The following MCM7 variants were observed in gnomAD, a reference collection of about 807,000 sequenced individuals.
MCM7 encodes minichromosome maintenance complex component 7, also known as DNA replication licensing factor MCM7.
Under a neutral mutation model 83.5 loss-of-function variants are expected in MCM7, and 95 were observed. The ratio of observed to expected loss-of-function variants is 1.14; its 90% confidence interval spans 0.96 to 1.35. The LOEUF (loss-of-function observed/expected upper bound fraction) is 1.35. MCM7 is among the 40% of genes most tolerant of loss of function. The probability of loss-of-function intolerance (pLI) is 0.00; values close to 1 mark genes in which losing one functional copy is unlikely to be tolerated. For missense variants in MCM7, 1,087 were observed against 957.4 expected (o/e 1.14, Z -1.79); for synonymous variants, 461 against 352.7 (o/e 1.31, Z -3.44).
chr7:100,097,272 T>C, intron 10 of MCM7, 29 bp downstream of exon 10: 1 of 1,601,102 alleles, frequency 6.2e-7, no homozygotes, highest in Non-Finnish European at 8.6e-7. Flanking sequence ...TGTCACTATA[T>C]TCACCTCCCG....
intron 13 of MCM7, 32 bp from the exon 14 acceptor site, chr7:100,093,433 C>T (rs781636530): frequency 9.4e-6 from 15 of 1,595,120 alleles, no homozygotes; most frequent in Middle Eastern, 1.6e-4. Context: ...AAGATGGGAA[C>T]GGGAGGAGGG....
intron 10 of MCM7, among the ~76,000 whole-genome samples, chr7:100,096,885 G>A (rs919819239): frequency 3.5e-4 from 53 of 152,260 alleles, no homozygotes; most frequent in African/African-American, 1.0e-3. Flanking sequence ...GGCGGATCAC[G>A]AGGTCAGGAT....
rs774351506 is a variant in MCM7, at chr7:100,095,790, G to GGTCATT, written c.1578_1579insAATGAC (p.Asp526_Arg527insAsnAsp). On this transcript the variant is annotated inframe_insertion, in exon 11 of 15. Coordinates refer to ENST00000303887, the MANE Select transcript of MCM7 (RefSeq NM_005916.5). ...TTCATTCACCGTAGGTCATTGTCTC[G>GGTCATT]GTCGGGCCGGTCCTGAATCAGCCAG... The GGTCATT allele has an allele frequency of 1.3e-6, 2 of 1,585,912 alleles. No homozygotes were observed. The highest frequency in any genetic ancestry group is 3.4e-5 in the Admixed American group (2 of 58,930).
intron 6 of MCM7, 38 bp downstream of exon 6, chr7:100,098,540 C>T (rs1302324328): frequency 1.1e-5 from 18 of 1,611,570 alleles, no homozygotes; most frequent in Non-Finnish European, 1.4e-5. Context: ...AAGTGGACTC[C>T]CGATCCACCT....
At position 100,093,021 on chromosome 7, in the gene MCM7, G is replaced by C; in HGVS notation, c.2071C>G (p.Pro691Ala). ...EQRCVSRGFT[P>A]AQFQAALDEY... ...TCCAGAGCCGCCTGGAACTGGGCGG[G>C]TGTGAAGCCACGAGATACACAGCGC... The change falls in exon 15 of 15, where the codon CCC becomes GCC. Residue 691 changes from proline to alanine, a missense_variant. Pro to Ala is a conservative substitution (Grantham distance 27, BLOSUM62 -1). Coordinates refer to ENST00000303887, the MANE Select transcript of MCM7 (RefSeq NM_005916.5). 6.2e-7 allele frequency: 1 copy of C among 1,614,248 alleles called. No homozygotes were observed. The highest frequency in any genetic ancestry group is 8.5e-7 in the Non-Finnish European group (1 of 1,180,042).
chr7:100,096,213 A>G, intron 10 of MCM7, 46 bp from the exon 11 acceptor site: 1 of 1,516,570 alleles, frequency 6.6e-7, no homozygotes, highest in Middle Eastern at 1.8e-4. Context: ...AGAACAAGAA[A>G]GAGAACAAGC....
rs753188990 is a variant in MCM7 at position 100,099,286 on chromosome 7, G to A, written c.394C>T (p.Arg132Cys). Residue 132 changes from arginine to cysteine, a missense_variant, in exon 4 of 15, where the codon CGC (arginine) becomes TGC (cysteine). Coordinates refer to ENST00000303887, the MANE Select transcript of MCM7 (RefSeq NM_005916.5). ...PQNQYPAELMRRFELYFQGPS... is the reference protein window; with the variant it reads ...PQNQYPAELMCRFELYFQGPS... The stretch of plus-strand genomic sequence containing the variant: ...CCGACAGAGACCACTCACAATCTGC[G>A]CATGAGTTCAGCAGGGTACTGGTTC... 51 of 1,613,972 alleles carry A rather than the reference G, an allele frequency of 3.2e-5. No individual in the cohort carries two copies. The highest frequency in any genetic ancestry group is 4.2e-5 in the Non-Finnish European group (49 of 1,180,026).
At position 100,093,093 on chromosome 7, in the gene MCM7, C is replaced by G; in HGVS notation, c.1999G>C (p.Glu667Gln). The G allele has an allele frequency of 6.2e-7, 1 of 1,614,182 alleles. No homozygotes were observed. Among genetic ancestry groups the G allele is most frequent in the Non-Finnish European group, 8.5e-7 (1 of 1,180,016 alleles). Residue 667 changes from glutamate to glutamine, a missense_variant, in exon 15 of 15, where the codon GAA (glutamate) becomes CAA (glutamine). Transcript: ENST00000303887. ...PADVIFATVR[E>Q]LVSGGRSVRF... The stretch of plus-strand genomic sequence containing the variant: ...ACACTTCGGCCCCCTGAGACCAGTT[C>G]ACGGACGGTGGCAAATATCACATCT...
intron 11 of MCM7, 41 bp from the exon 12 acceptor site, chr7:100,095,511 C>T: frequency 6.3e-7 from 1 of 1,585,030 alleles, no homozygotes; most frequent in African/African-American, 1.3e-5. Context: ...CTTTTTAGGG[C>T]TACGCACCCA....
Position 100,099,362 on chromosome 7 carries a change from C to T in MCM7, c.318G>A (p.Arg106=), listed in dbSNP as rs765712924. The T allele has an allele frequency of 6.2e-7, 1 of 1,610,060 alleles. No homozygotes were observed. The highest frequency in any genetic ancestry group is 1.7e-4 in the Middle Eastern group (1 of 6,020). Residue 106 remains arginine, a synonymous_variant, in exon 4 of 15, where the codon CGG becomes CGA. Transcript: ENST00000303887. ...CCCGACTCCGCTGCTCCATCATTAG[C>T]CGATGCTCAATGTAAACGTCCAGGA... ...KDVLDVYIEH[R]LMMEQRSRDP...
chr7:100,101,320 C>T lies in MCM7; in HGVS notation c.-26G>A. The stretch of plus-strand genomic sequence containing the variant: ...CGCTGCCGAGGGCCGTGCGGCCGCG[C>T]TTGGCGGGCTCAGAGGTCTTGCTCC... On this transcript the variant is annotated 5_prime_UTR_variant, in exon 1 of 15. Coordinates refer to ENST00000303887, the MANE Select transcript of MCM7 (RefSeq NM_005916.5). 6.2e-7 allele frequency: 1 copy of T among 1,612,968 alleles called. No homozygotes were observed. The highest frequency in any genetic ancestry group is 8.5e-7 in the Non-Finnish European group (1 of 1,179,846).
rs753894870 is a variant in MCM7 at position 100,094,225 on chromosome 7, G to A, written c.1796C>T (p.Thr599Ile). 1.9e-6 allele frequency: 3 copies of A among 1,614,202 alleles called. No individual in the cohort carries two copies. The highest frequency in any genetic ancestry group is 1.3e-5 in the African/African-American group (1 of 75,052). ...CAGCAGGGTCCGGGCAGAAGTATAG[G>A]TGGCATCCTTACTAGCCCAAGCCTC... ...RREAWASKDA[T>I]YTSARTLLAI... is the part of the protein sequence containing the mutation. The change falls in exon 13 of 15, where the codon ACC becomes ATC. Residue 599 changes from threonine to isoleucine, a missense_variant. By Grantham distance (89) the Thr-to-Ile change is moderately conservative. Transcript: ENST00000303887.
At chr7:100,096,210 G>A in intron 10 of MCM7, 43 bp from the exon 11 acceptor site, 2 of 1,517,938 alleles carry the variant, frequency 1.3e-6, no homozygotes, top group Non-Finnish European at 1.8e-6. Flanking sequence ...GAAAGAACAA[G>A]AAAGAGAACA....
rs1477142409 is a variant in MCM7 at position 100,099,196 on chromosome 7, A to G, written c.409T>C (p.Tyr137His). The change falls in exon 5 of 15, where the codon TAT becomes CAT. Residue 137 changes from tyrosine (Y) to histidine (H), a missense_variant. Tyr to His is a moderately conservative substitution (Grantham distance 83). Coordinates refer to ENST00000303887, the MANE Select transcript of MCM7 (RefSeq NM_005916.5). ...PAELMRRFEL[Y>H]FQGPSSNKPR... ...TTGTTGCTGCTAGGGCCTTGAAAAT[A>G]CAGCTCACTAAGGGGAGAAAACAGT... 2 of 1,614,140 alleles carry G rather than the reference A, an allele frequency of 1.2e-6. No individual in the cohort carries two copies. The highest frequency in any genetic ancestry group is 4.5e-5 in the East Asian group (2 of 44,874).
chr7:100,099,991 C>T (rs769302895), intron 2 of MCM7, 23 bp downstream of exon 2: 6 of 1,606,374 alleles, frequency 3.7e-6, no homozygotes, highest in Non-Finnish European at 5.1e-6. Context: ...CTCCCCATTC[C>T]CTTTACCCAA....
chr7:100,094,862 A>G (rs771867660), intron 12 of MCM7, among the ~76,000 whole-genome samples: 1 of 152,192 alleles, frequency 6.6e-6, no homozygotes. Context: ...CATGAAATTC[A>G]CCTGTATTTC....
In MCM7 at chr7:100,097,293, C is replaced by T. The variant is rs368905543; in HGVS notation, c.1201+8G>A. ...TATATTCACCTCCCGCAAAGCCCAACTACTTACTGCGAGGCGCCAGTCGAT... is the reference window on the plus strand; with the variant it reads ...TATATTCACCTCCCGCAAAGCCCAATTACTTACTGCGAGGCGCCAGTCGAT... On this transcript the variant is annotated splice_region_variant and intron_variant, in intron 10 of 14. Transcript: ENST00000303887. 15 of 1,613,754 alleles carry T rather than the reference C, an allele frequency of 9.3e-6. No homozygotes were observed. Among genetic ancestry groups the T allele is most frequent in the Non-Finnish European group, 1.3e-5 (15 of 1,179,766 alleles).
intron 10 of MCM7, among the ~76,000 whole-genome samples, chr7:100,097,079 C>A (rs1000501282): frequency 2.0e-5 from 3 of 152,060 alleles, no homozygotes; most frequent in African/African-American, 7.2e-5. Context: ...CCGGCCTGGG[C>A]GAAAGAGCAA....
Position 100,093,016 on chromosome 7 carries a change from G to C in MCM7, c.2076C>G (p.Ala692=), listed in dbSNP as rs1293399933. 2 of 1,614,112 alleles carry C rather than the reference G, an allele frequency of 1.2e-6. No individual in the cohort carries two copies. The highest frequency in any genetic ancestry group is 2.7e-5 in the African/African-American group (2 of 74,936). ...ATTCATCCAGAGCCGCCTGGAACTG[G>C]GCGGGTGTGAAGCCACGAGATACAC... ...QRCVSRGFTP[A]QFQAALDEYE... Residue 692 remains alanine, a synonymous_variant, in exon 15 of 15, where the codon GCC becomes GCG. Coordinates refer to ENST00000303887, the MANE Select transcript of MCM7 (RefSeq NM_005916.5).
Sources: gnomAD v4.1 joint callset for allele counts (sites outside exome capture counted in the v4.1 genomes callset) on GRCh38, gnomAD v4.1.1 for gene constraint, MANE v1.5 for transcripts, NCBI Gene and HGNC (gene_info 2026-07-23, HGNC 2026-07-21) for gene names.